LOXHD1: variants seen among roughly 807,000 people sequenced by gnomAD.
LOXHD1 encodes lipoxygenase homology PLAT domains 1, also known as lipoxygenase homology domain-containing protein 1.
LOXHD1 carries 205 observed loss-of-function variants against 248.2 expected under a neutral mutation model. The observed-to-expected ratio is 0.83, with a 90% confidence interval of 0.74 to 0.93. The LOEUF is 0.93. Ranked by LOEUF, LOXHD1 falls within the 40% of genes least tolerant of loss-of-function variation. The pLI, the probability that LOXHD1 is intolerant of heterozygous loss-of-function variation, is 0.00. For missense variants in LOXHD1, 2,930 were observed against 2,971.6 expected, an observed-to-expected ratio of 0.99 and a Z score of 0.33; for synonymous variants, 1,113 against 1,162.8, an observed-to-expected ratio of 0.96 and a Z score of 0.87.
chr18:46,569,589 G>T lies in LOXHD1; in HGVS notation c.2097C>A (p.Ser699Arg). The T allele has an allele frequency of 6.4e-7, 1 of 1,551,758 alleles. No individual in the cohort carries two copies. The change falls in exon 16 of 41, where the codon AGC becomes AGA. Residue 699 changes from serine to arginine, a missense_variant. Coordinates refer to ENST00000642948, the MANE Select transcript of LOXHD1 (RefSeq NM_001384474.1). ...SLKTGDVSGA[S>R]TDSRVYIKLY... ...GCTTGATGTAGACTCTAGAATCCGT[G>T]CTGGCCCCAGAGACATCCCCAGTCT...
chr18:46,539,847 A>T (rs1439678180), intron 25 of LOXHD1, among the ~76,000 whole-genome samples: 1 of 152,212 alleles, frequency 6.6e-6, no homozygotes, highest in Non-Finnish European at 1.5e-5. Context: ...GTTCAAGTGG[A>T]TGTCTACTCT....
chr18:46,571,766 C>T (rs1264652195), intron 15 of LOXHD1, among the ~76,000 whole-genome samples: 1 of 152,212 alleles, frequency 6.6e-6, no homozygotes, highest in Non-Finnish European at 1.5e-5. Context: ...CCCTATTTTA[C>T]AGTCCCTTCA....
chr18:46,560,880 A>G (rs1195508595), intron 18 of LOXHD1, among the ~76,000 whole-genome samples: 1 of 151,818 alleles, frequency 6.6e-6, no homozygotes, highest in Non-Finnish European at 1.5e-5. Context: ...CATTCCTATG[A>G]TTTCTGTCCC....
chr18:46,488,896 T>A, intron 38 of LOXHD1, 76 bp downstream of exon 38: 1 of 1,480,126 alleles, frequency 6.8e-7, no homozygotes, highest in South Asian at 1.3e-5. Flanking sequence ...CTGACCCCCC[T>A]CCAGCTGGAA....
intron 4 of LOXHD1, among the ~76,000 whole-genome samples, chr18:46,622,862 T>A (rs977725315): frequency 1.3e-5 from 2 of 152,210 alleles, no homozygotes; most frequent in African/African-American, 4.8e-5. Flanking sequence ...TTCTGCAATC[T>A]TAGTCTTAAG....
At chr18:46,545,287 G>A in intron 23 of LOXHD1, 30 bp downstream of exon 23, 1 of 1,476,660 alleles carries the variant, frequency 6.8e-7, no homozygotes, top group African/African-American at 1.4e-5. Context: ...AAGAATGTGG[G>A]TGAATCTTGG....
intron 4 of LOXHD1, among the ~76,000 whole-genome samples, chr18:46,624,761 G>A (rs1268362457): frequency 1.3e-5 from 2 of 152,082 alleles, no homozygotes; most frequent in Non-Finnish European, 2.9e-5. Flanking sequence ...ATGGATGACA[G>A]GCTTTCTTCC....
Position 46,481,197 on chromosome 18 carries a change from T to C in LOXHD1, c.6341+2390A>G, listed in dbSNP as rs142893151. Among the ~76,000 whole-genome samples the C allele has an allele frequency of 4.8e-4, 73 of 152,322 alleles. 1 individual carries two copies. The East Asian group carries it at 0.012, about 25-fold the overall frequency. On this transcript the variant is annotated intron_variant, in intron 40 of 40. Coordinates refer to ENST00000642948, the MANE Select transcript of LOXHD1 (RefSeq NM_001384474.1). ...AAGCAAGTGGTTTTATAATGCAGAA[T>C]GTAGGTTCCTTCTAGAATGAGGCCA...
chr18:46,627,472 C>T (rs1032993920), intron 4 of LOXHD1, among the ~76,000 whole-genome samples: 16 of 151,904 alleles, frequency 1.1e-4, no homozygotes, highest in African/African-American at 3.9e-4. Flanking sequence ...TTCAGATTTT[C>T]GTGTGTACAA....
At chr18:46,482,703 C>T (rs1017974492) in intron 40 of LOXHD1, among the ~76,000 whole-genome samples, 3 of 152,222 alleles carry the variant, frequency 2.0e-5, no homozygotes, top group Non-Finnish European at 2.9e-5. Context: ...TAGCCGAGGG[C>T]TCTGCCTAGG....
At chr18:46,569,291 T>G (rs547143524) in intron 16 of LOXHD1, 151 bp downstream of exon 16, 6 of 681,638 alleles carry the variant, frequency 8.8e-6, no homozygotes, top group Non-Finnish European at 1.5e-5. Context: ...TATTCCCAAG[T>G]GTGCTTTTTC....
intron 37 of LOXHD1, among the ~76,000 whole-genome samples, chr18:46,489,526 C>T (rs2033313778): frequency 6.6e-6 from 1 of 152,168 alleles, no homozygotes; most frequent in Non-Finnish European, 1.5e-5. Flanking sequence ...CTGGAGCTCA[C>T]CAAGATGAAG....
At chr18:46,479,677 T>C (rs992908527) in intron 40 of LOXHD1, among the ~76,000 whole-genome samples, 1 of 151,270 alleles carries the variant, frequency 6.6e-6, no homozygotes, top group African/African-American at 2.4e-5. Context: ...GTCTTGGTGC[T>C]GGCTAACAAC....
chr18:46,537,141 C>T (rs1412182771), intron 26 of LOXHD1, among the ~76,000 whole-genome samples: 1 of 152,180 alleles, frequency 6.6e-6, no homozygotes, highest in African/African-American at 2.4e-5. Context: ...TCAAAGCCAC[C>T]TCTTCCAAGG....
intron 28 of LOXHD1, among the ~76,000 whole-genome samples, chr18:46,529,939 G>A (rs1054305924): frequency 6.6e-6 from 1 of 152,120 alleles, no homozygotes; most frequent in African/African-American, 2.4e-5. Flanking sequence ...CATAGGGAGG[G>A]CTCAGTAAAT....
At position 46,623,226 on chromosome 18, in the gene LOXHD1, A is replaced by G. The variant is rs559898223; in HGVS notation, c.512-4936T>C. Reference sequence around the variant, plus strand: ...TGGATAACTGTCATAATAAACACACAAATCTACAAGCTCTCTGATGTGAAT... The same window carrying G: ...TGGATAACTGTCATAATAAACACACGAATCTACAAGCTCTCTGATGTGAAT... On this transcript the variant is annotated intron_variant, in intron 4 of 40. Transcript: ENST00000642948. Among the ~76,000 whole-genome samples, 6 of 152,342 alleles carry G rather than the reference A, an allele frequency of 3.9e-5. No homozygotes were observed. The South Asian group carries it at 6.2e-4, about 16-fold the overall frequency.
intron 14 of LOXHD1, among the ~76,000 whole-genome samples, chr18:46,573,134 G>T (rs2015377): frequency 6.6e-6 from 1 of 151,626 alleles, no homozygotes; most frequent in Non-Finnish European, 1.5e-5. Flanking sequence ...AGGGAAATGA[G>T]AAGGGCTCAG....
At chr18:46,631,637 G>A (rs527252371) in intron 4 of LOXHD1, among the ~76,000 whole-genome samples, 1 of 152,194 alleles carries the variant, frequency 6.6e-6, no homozygotes, top group East Asian at 1.9e-4. Context: ...CATTTCCTCT[G>A]GCCCTGGCAC....
chr18:46,614,715 T>A (rs2144320406), intron 5 of LOXHD1, among the ~76,000 whole-genome samples: 2 of 105,152 alleles, frequency 1.9e-5, no homozygotes, highest in Middle Eastern at 9.1e-3. Flanking sequence ...ACTTAAAGTA[T>A]AATAATAAAT....
Sources: allele counts gnomAD v4.1 joint callset (sites outside exome capture counted in the v4.1 genomes callset), GRCh38; gene constraint gnomAD v4.1.1; transcripts MANE v1.5; gene names NCBI Gene and HGNC (gene_info 2026-07-23, HGNC 2026-07-21).